ADRA1B: variants seen among roughly 807,000 people sequenced by gnomAD.
ADRA1B encodes alpha-1B adrenergic receptor.
Under a neutral mutation model 17.9 loss-of-function variants are expected in ADRA1B, and 17 were observed. The observed-to-expected ratio is 0.95, with a 90% CI of 0.65 to 1.42. ADRA1B has a LOEUF of 1.42. Ranked by LOEUF, ADRA1B falls within the 40% of genes most tolerant of loss-of-function variation. The pLI, the probability that ADRA1B is intolerant of heterozygous loss-of-function variation, is 0.00. For synonymous variants in ADRA1B, 366 were observed against 327.6 expected, an observed-to-expected ratio of 1.12 and a Z score of -1.27; for missense variants, 681 against 722.1, an observed-to-expected ratio of 0.94 and a Z score of 0.65.
intron 1 of ADRA1B, among the ~76,000 whole-genome samples, chr5:159,969,249 C>A (rs573120870): frequency 3.3e-5 from 5 of 152,316 alleles, no homozygotes; most frequent in Admixed American, 3.3e-4. Context: ...GTATGGATAA[C>A]CCTCTTTCTA....
rs532410140 is a variant in ADRA1B, at chr5:159,922,672, C to T, written c.949+4818C>T. On this transcript the variant is annotated intron_variant, in intron 1 of 1. Coordinates refer to ENST00000306675, the MANE Select transcript of ADRA1B (RefSeq NM_000679.4). ...TCTCAGGATTGGGCATTTTGTCAGC[C>T]ACCCCAACCAAAAGAAAAAGTGGGA... is the stretch of plus-strand genomic sequence containing the variant. 2.0e-5 allele frequency among the ~76,000 whole-genome samples: 3 copies of T among 152,036 alleles called. No homozygotes were observed. In the South Asian group the frequency reaches 6.2e-4, roughly 32 times the overall value.
intron 1 of ADRA1B, among the ~76,000 whole-genome samples, chr5:159,943,357 C>T (rs1257258441): frequency 1.3e-5 from 2 of 152,024 alleles, no homozygotes; most frequent in Non-Finnish European, 2.9e-5. Flanking sequence ...GTTTGTAAAT[C>T]GAGCTCTCAT....
At chr5:159,951,065 A>G in intron 1 of ADRA1B, 1 of 720,234 alleles carries the variant, frequency 1.4e-6, no homozygotes, top group Non-Finnish European at 2.6e-6. Context: ...ATAGCTGACG[A>G]TATTGAGTCT....
intron 1 of ADRA1B, among the ~76,000 whole-genome samples, chr5:159,958,527 T>TA (rs1340118711): frequency 6.6e-6 from 1 of 152,230 alleles, no homozygotes; most frequent in Non-Finnish European, 1.5e-5. Context: ...TACCCACTCT[T>TA]ACCATTCCTC....
At chr5:159,897,277 C>A (rs944364736) in intron 1 of ADRA1B, among the ~76,000 whole-genome samples, 1 of 151,986 alleles carries the variant, frequency 6.6e-6, no homozygotes, top group Non-Finnish European at 1.5e-5. Flanking sequence ...CATGAGGTCA[C>A]GAGTTCAAGA....
intron 1 of ADRA1B, among the ~76,000 whole-genome samples, chr5:159,939,278 A>AGAGAGT (rs1417832136): frequency 3.3e-3 from 328 of 98,358 alleles, no homozygotes; most frequent in Non-Finnish European, 5.2e-3. Flanking sequence ...AGAGAGAGAG[A>AGAGAGT]GTGTGTGTGT....
intron 1 of ADRA1B, among the ~76,000 whole-genome samples, chr5:159,945,848 C>T (rs932570729): frequency 2.0e-5 from 3 of 151,466 alleles, no homozygotes; most frequent in South Asian, 2.1e-4. Context: ...CCCGGGTTGA[C>T]GCCATTCTCC....
At chr5:159,874,257 T>G (rs1453719619) in intron 1 of ADRA1B, among the ~76,000 whole-genome samples, 1 of 152,182 alleles carries the variant, frequency 6.6e-6, no homozygotes, top group East Asian at 1.9e-4. Flanking sequence ...TCCACCTCTC[T>G]GCCCTTGGGA....
chr5:159,885,143 A>G (rs1367528681), intron 1 of ADRA1B, among the ~76,000 whole-genome samples: 2 of 152,262 alleles, frequency 1.3e-5, no homozygotes, highest in Non-Finnish European at 2.9e-5. Flanking sequence ...GTCACAGACT[A>G]TCAGAACAGG....
At position 159,934,402 on chromosome 5, in the gene ADRA1B, G is replaced by A. The variant is rs188516633; in HGVS notation, c.949+16548G>A. ...CTTCCTGTCACCTGCCTCTGTCACC[G>A]CCTTCCCACCCCCTCGTCTTGAGGA... On this transcript the variant is annotated intron_variant, in intron 1 of 1. Coordinates refer to ENST00000306675, the MANE Select transcript of ADRA1B (RefSeq NM_000679.4). Among the ~76,000 whole-genome samples, 817 of 152,120 alleles carry A rather than the reference G, an allele frequency of 5.4e-3. 4 individuals are homozygous for A. Among genetic ancestry groups the A allele is most frequent in the South Asian group, 0.019 (92 of 4,816 alleles).
chr5:159,954,568 C>CT (rs1755517510), intron 1 of ADRA1B, among the ~76,000 whole-genome samples: 1 of 152,170 alleles, frequency 6.6e-6, no homozygotes. Context: ...ATCACTGCCT[C>CT]TGTGTGGTGC....
intron 1 of ADRA1B, among the ~76,000 whole-genome samples, chr5:159,932,712 T>C (rs1376132413): frequency 1.3e-5 from 2 of 152,172 alleles, no homozygotes; most frequent in African/African-American, 4.8e-5. Context: ...TCTATGCATA[T>C]ATAAATATAT....
intron 1 of ADRA1B, among the ~76,000 whole-genome samples, chr5:159,879,863 G>T (rs1306091138): frequency 6.6e-6 from 1 of 152,082 alleles, no homozygotes; most frequent in African/African-American, 2.4e-5. Flanking sequence ...GGGCGTGGTG[G>T]CGGGCGCCTG....
chr5:159,972,177 C>A lies in ADRA1B; in HGVS notation c.1248C>A (p.Gly416=). Residue 416 remains glycine (G), a synonymous_variant, in exon 2 of 2, where the codon GGC becomes GGA. Coordinates refer to ENST00000306675, the MANE Select transcript of ADRA1B (RefSeq NM_000679.4). ...SLDDSGSCLS[G]SQRTLPSASP... is the part of the protein sequence containing the mutation. ...ACGACAGCGGCAGCTGCCTGAGCGGCAGCCAGCGGACCCTGCCCTCGGCCT... is the reference window on the plus strand; with the variant it reads ...ACGACAGCGGCAGCTGCCTGAGCGGAAGCCAGCGGACCCTGCCCTCGGCCT... The A allele has an allele frequency of 7.3e-7, 1 of 1,363,962 alleles. No individual in the cohort carries two copies. The highest frequency in any genetic ancestry group is 9.5e-7 in the Non-Finnish European group (1 of 1,051,704). 84.5% of individuals were successfully genotyped at this position (1,363,962 alleles called of 1,614,324 possible).
At chr5:159,931,981 G>A (rs1269570882) in intron 1 of ADRA1B, among the ~76,000 whole-genome samples, 1 of 152,172 alleles carries the variant, frequency 6.6e-6, no homozygotes. Context: ...ATATAACCAT[G>A]TTTTAGTATT....
chr5:159,901,887 C>A (rs755684631), intron 1 of ADRA1B, among the ~76,000 whole-genome samples: 1 of 152,234 alleles, frequency 6.6e-6, no homozygotes, highest in African/African-American at 2.4e-5. Flanking sequence ...GGAAGCCTTG[C>A]ACACTGTTGG....
intron 1 of ADRA1B, chr5:159,951,579 A>G: frequency 4.1e-6 from 2 of 484,848 alleles, no homozygotes; most frequent in East Asian, 4.3e-5. Context: ...CCCCTAGTGG[A>G]GAATTTAGCA....
chr5:159,917,820 G>C lies in ADRA1B; in HGVS notation c.915G>C (p.Leu305Phe). 1 of 1,612,186 alleles carries C rather than the reference G, an allele frequency of 6.2e-7. No homozygotes were observed. The highest frequency in any genetic ancestry group is 8.5e-7 in the Non-Finnish European group (1 of 1,179,488). ...GCATTGTGGTCGGTATGTTCATCTT[G>C]TGCTGGCTACCCTTCTTCATCGCTC... ...TLGIVVGMFI[L>F]CWLPFFIALP... The change falls in exon 1 of 2, where the codon TTG becomes TTC. Residue 305 changes from leucine (L) to phenylalanine (F), a missense_variant. Around this residue, in one of 3 missense-constraint regions of ADRA1B, gnomAD observed 424 missense variants for 480.2 expected, o/e 0.88. Transcript: ENST00000306675.
At chr5:159,936,738 G>A (rs1341446607) in intron 1 of ADRA1B, among the ~76,000 whole-genome samples, 1 of 152,122 alleles carries the variant, frequency 6.6e-6, no homozygotes. Flanking sequence ...AAAATTAAGA[G>A]AATATTTTTG....
Sources: allele counts gnomAD v4.1 joint callset (sites outside exome capture counted in the v4.1 genomes callset), GRCh38; gene constraint gnomAD v4.1.1; regional missense constraint gnomAD v4.1.1; transcripts MANE v1.5; gene names NCBI Gene and HGNC (gene_info 2026-07-23, HGNC 2026-07-21).